Variants in USP9X observed in about 807,000 individuals in gnomAD.
USP9X encodes ubiquitin specific peptidase 9 X-linked.
In USP9X, 7 loss-of-function variants were observed where a neutral mutation model predicts 190.3. The observed-to-expected ratio is 0.04, with a 90% CI of 0.02 to 0.07. The LOEUF (loss-of-function observed/expected upper bound fraction) is 0.07, where lower values mean the gene tolerates loss of function less well. Among genes scored for constraint, USP9X ranks in the 10% least tolerant of loss-of-function variants. The pLI, the probability that USP9X is intolerant of heterozygous loss-of-function variation, is 1.00. For missense variants in USP9X, 1,010 were observed against 1,916.9 expected (o/e 0.53, Z 8.83); for synonymous variants, 645 against 659.5 (o/e 0.98, Z 0.34).
Position 41,201,241 on chromosome X carries a change from AGAT to A in USP9X, c.4792_4794del (p.Asp1598del), listed in dbSNP as rs1372901093. 7 of 1,211,594 alleles carry A rather than the reference AGAT, an allele frequency of 5.8e-6. No homozygotes were observed. Among genetic ancestry groups the A allele is most frequent in the African/African-American group, 1.7e-5 (1 of 57,902 alleles). The stretch of plus-strand genomic sequence containing the variant: ...CCATTGAAGGCACAGGTAGTGATGT[AGAT>A]GATGATATGTCTGGGGATGAGAAGC... On this transcript the variant is annotated inframe_deletion, in exon 31 of 45. Transcript: ENST00000378308.
intron 26 of USP9X, 62 bp from the exon 27 acceptor site, chrX:41,196,189 A>G: frequency 8.6e-7 from 1 of 1,159,754 alleles, no homozygotes. Flanking sequence ...AGAGGGAACA[A>G]TGTTACAATC....
intron 15 of USP9X, among the ~76,000 whole-genome samples, chrX:41,165,536 A>G (rs1175925738): frequency 8.9e-6 from 1 of 111,828 alleles, no homozygotes; most frequent in African/African-American, 3.3e-5. Flanking sequence ...TAAGTCTTTT[A>G]TTTTTAACTC....
intron 2 of USP9X, among the ~76,000 whole-genome samples, 199 bp from the exon 3 acceptor site, chrX:41,128,801 A>G (rs2062280296): frequency 1.8e-5 from 2 of 112,090 alleles, no homozygotes; most frequent in African/African-American, 6.5e-5. Flanking sequence ...AAGTTTGTAC[A>G]TATTCAGCAC....
intron 1 of USP9X, among the ~76,000 whole-genome samples, chrX:41,093,560 C>T (rs909521649): frequency 9.0e-6 from 1 of 111,136 alleles, no homozygotes; most frequent in African/African-American, 3.3e-5. Context: ...GTCAGGCTGT[C>T]TTGAACTCCC....
Position 41,218,933 on chromosome X carries a change from C to T in USP9X, c.6436-169C>T, listed in dbSNP as rs758827117. 7.2e-5 allele frequency among the ~76,000 whole-genome samples: 8 copies of T among 111,370 alleles called. No homozygotes were observed. In the East Asian group the frequency reaches 1.1e-3, roughly 16 times the overall value. On this transcript the variant is annotated intron_variant, in intron 37 of 44. Transcript: ENST00000378308. ...AAGTGTAAAAAATTATAATGAAATC[C>T]GCCTCTGATCTTCATTCCCTTTCCC... is the stretch of plus-strand genomic sequence containing the variant.
intron 32 of USP9X, among the ~76,000 whole-genome samples, chrX:41,205,887 C>CTTTTTTTTTTTT (rs751427663): frequency 1.1e-5 from 1 of 87,145 alleles, no homozygotes; most frequent in African/African-American, 4.1e-5. Flanking sequence ...TTTTCTTTTT[C>CTTTTTTTTTTTT]TTTTTTTCTT....
At chrX:41,211,485 A>G (rs952294856) in intron 33 of USP9X, among the ~76,000 whole-genome samples, 1 of 113,586 alleles carries the variant, frequency 8.8e-6, no homozygotes, top group Admixed American at 9.2e-5. Flanking sequence ...GACTTTTAAA[A>G]TAGCATTGAT....
At chrX:41,166,337 A>G in intron 16 of USP9X, 123 bp downstream of exon 16, 1 of 545,992 alleles carries the variant, frequency 1.8e-6, no homozygotes, top group Non-Finnish European at 2.8e-6. Context: ...AATTTGGTGT[A>G]GTTAGGAATT....
chrX:41,094,724 C>T (rs192789369), intron 1 of USP9X, among the ~76,000 whole-genome samples: 1 of 109,961 alleles, frequency 9.1e-6, no homozygotes, highest in Non-Finnish European at 1.9e-5. Context: ...ATATTACTTG[C>T]GGGTGAGTGA....
intron 36 of USP9X, 110 bp from the exon 37 acceptor site, chrX:41,218,262 C>T: frequency 1.4e-6 from 1 of 723,624 alleles, no homozygotes; most frequent in Non-Finnish European, 2.0e-6. Flanking sequence ...TTCTCTCCAG[C>T]AGTAGAGGAA....
chrX:41,100,234 ACAC>A (rs1378669919), intron 1 of USP9X, among the ~76,000 whole-genome samples: 1 of 112,256 alleles, frequency 8.9e-6, no homozygotes, highest in African/African-American at 3.2e-5. Context: ...CTAACACTTA[ACAC>A]CTGTGTGTGA....
intron 1 of USP9X, among the ~76,000 whole-genome samples, chrX:41,100,784 T>C (rs1466118418): frequency 9.0e-6 from 1 of 110,972 alleles, no homozygotes; most frequent in African/African-American, 3.3e-5. Flanking sequence ...GTAGCTGGGA[T>C]TACTGGTGCC....
chrX:41,152,314 A>T (rs918344571), intron 13 of USP9X, among the ~76,000 whole-genome samples: 2 of 112,150 alleles, frequency 1.8e-5, no homozygotes, highest in Non-Finnish European at 3.8e-5. Flanking sequence ...TTATCTTTCG[A>T]AGTAGACACA....
At chrX:41,119,130 A>G (rs534442056) in intron 1 of USP9X, among the ~76,000 whole-genome samples, 63 of 111,873 alleles carry the variant, frequency 5.6e-4, no homozygotes, top group African/African-American at 1.7e-3. Context: ...GCCCATCCCT[A>G]CGTCTCGATT....
chrX:41,109,364 ATGC>A (rs1234826390), intron 1 of USP9X, among the ~76,000 whole-genome samples: 1 of 112,222 alleles, frequency 8.9e-6, no homozygotes, highest in African/African-American at 3.2e-5. Context: ...TTTGGAAAAG[ATGC>A]TGAAGTTTAT....
At chrX:41,094,293 C>T (rs2061974337) in intron 1 of USP9X, among the ~76,000 whole-genome samples, 1 of 109,647 alleles carries the variant, frequency 9.1e-6, no homozygotes, top group Non-Finnish European at 1.9e-5. Context: ...TCTCCAGCCT[C>T]AACCTCCTGA....
At chrX:41,192,747 C>G (rs1317461930) in intron 26 of USP9X, among the ~76,000 whole-genome samples, 2 of 111,407 alleles carry the variant, frequency 1.8e-5, no homozygotes, top group African/African-American at 6.5e-5. Flanking sequence ...ACACTACCCA[C>G]TGTGGATATG....
Position 41,229,675 on chromosome X carries a change from T to G in USP9X, c.7327T>G (p.Ser2443Ala). 1 of 1,211,233 alleles carries G rather than the reference T, an allele frequency of 8.3e-7. No homozygotes were observed. The highest frequency in any genetic ancestry group is 1.1e-6 in the Non-Finnish European group (1 of 895,440). Reference protein sequence around the residue: ...GNPQYTYNNWSPPVQSNETSN... With the variant: ...GNPQYTYNNWAPPVQSNETSN... Reference sequence around the variant, plus strand: ...TCCTCAGTACACTTACAACAATTGGTCTCCCCCAGTGCAAAGCAATGAAAC... The same window carrying G: ...TCCTCAGTACACTTACAACAATTGGGCTCCCCCAGTGCAAAGCAATGAAAC... The change falls in exon 43 of 45, where the codon TCT (serine) becomes GCT (alanine). Residue 2443 changes from serine to alanine, a missense_variant. This residue lies in a region of USP9X where 20 missense variants were observed against 59.3 expected (regional missense o/e 0.34). Coordinates refer to ENST00000378308, the MANE Select transcript of USP9X (RefSeq NM_001039591.3).
chrX:41,085,474 C>A lies in USP9X; in HGVS notation c.-794C>A, dbSNP rs1463806774. ...GCCGGATCCGCCATATTGACGAGGACGGGCATCCGCGGCTGCGGACGCTAG... is the reference window on the plus strand; with the variant it reads ...GCCGGATCCGCCATATTGACGAGGAAGGGCATCCGCGGCTGCGGACGCTAG... On this transcript the variant is annotated 5_prime_UTR_variant, in exon 1 of 45. Transcript: ENST00000378308. 2.9e-5 allele frequency among the ~76,000 whole-genome samples: 3 copies of A among 104,562 alleles called. No individual in the cohort carries two copies. The highest frequency in any genetic ancestry group is 5.9e-5 in the Non-Finnish European group (3 of 50,818). The allele number at this position is 104,562 out of a possible 115,157, so 90.8% of individuals were successfully genotyped here. A position where few individuals can be genotyped will look rare whatever the true frequency, so the allele number is the denominator to read the frequency against.
Sources: gnomAD v4.1 joint callset for allele counts (sites outside exome capture counted in the v4.1 genomes callset) on GRCh38, gnomAD v4.1.1 for gene constraint, gnomAD v4.1.1 regional missense constraint, MANE v1.5 for transcripts, NCBI Gene and HGNC (gene_info 2026-07-23, HGNC 2026-07-21) for gene names.